The following ESRRG variants were observed in gnomAD, a reference collection of about 807,000 sequenced individuals.
ESRRG encodes the protein estrogen-related receptor gamma.
In ESRRG, 13 loss-of-function variants were observed where a neutral mutation model predicts 44.0. The observed-to-expected ratio is 0.30, with a 90% CI of 0.19 to 0.47. The LOEUF is 0.47. Ranked by LOEUF, ESRRG falls within the 20% of genes least tolerant of loss-of-function variation. ESRRG has a pLI of 1.00. For synonymous variants in ESRRG, 215 were observed against 214.6 expected (o/e 1.00, Z -0.02); for missense variants, 395 against 580.6 (o/e 0.68, Z 3.29).
chr1:216,551,321 TG>T (rs2056278458), intron 5 of ESRRG, among the ~76,000 whole-genome samples: 2 of 152,154 alleles, frequency 1.3e-5, no homozygotes, highest in Admixed American at 1.3e-4. Context: ...ATGGTATTTT[TG>T]TTGAGGAACT....
Position 216,833,246 on chromosome 1 carries a change from CAAATGTTATAAAAGAATT to C in ESRRG, c.-14+106318_-14+106335del, listed in dbSNP as rs534065420. Among the ~76,000 whole-genome samples the C allele has an allele frequency of 2.4e-3, 371 of 152,154 alleles. 2 individuals carry two copies. The highest frequency in any genetic ancestry group is 8.7e-3 in the African/African-American group (361 of 41,526). The stretch of plus-strand genomic sequence containing the variant: ...AAAAAAAACACCCAATGTTACACTT[CAAATGTTATAAAAGAATT>C]ATTCAACCACATAGTGTTTTGAAAA... On this transcript the variant is annotated intron_variant, in intron 2 of 7. Coordinates refer to the ESRRG transcript ENST00000359162.
chr1:217,077,530 CT>C (rs1448031165), intron 1 of ESRRG, among the ~76,000 whole-genome samples: 1 of 152,146 alleles, frequency 6.6e-6, no homozygotes, highest in African/African-American at 2.4e-5. Context: ...TGAGCATTTA[CT>C]GACCTGAATG....
At chr1:216,617,715 T>A (rs1213062510) in intron 3 of ESRRG, among the ~76,000 whole-genome samples, 1 of 152,206 alleles carries the variant, frequency 6.6e-6, no homozygotes, top group Non-Finnish European at 1.5e-5. Flanking sequence ...ATTAATGTTA[T>A]CTCTCTATTT....
intron 2 of ESRRG, among the ~76,000 whole-genome samples, chr1:216,780,659 T>A (rs1173147031): frequency 1.3e-5 from 2 of 151,976 alleles, no homozygotes; most frequent in Non-Finnish European, 2.9e-5. Flanking sequence ...TCTCCTTTAA[T>A]CTATATTATC....
At chr1:216,944,684 T>C (rs1056405028) in intron 1 of ESRRG, among the ~76,000 whole-genome samples, 3 of 152,180 alleles carry the variant, frequency 2.0e-5, no homozygotes, top group African/African-American at 7.2e-5. Context: ...TACAAAGTCA[T>C]GACTAGAAGC....
chr1:217,009,049 T>C (rs2078162602), intron 1 of ESRRG, among the ~76,000 whole-genome samples: 1 of 152,342 alleles, frequency 6.6e-6, no homozygotes, highest in Middle Eastern at 3.4e-3. Context: ...TCATTCTTCA[T>C]GGTAAAAAAT....
chr1:216,637,909 G>A (rs934211641), intron 3 of ESRRG, among the ~76,000 whole-genome samples: 1 of 151,650 alleles, frequency 6.6e-6, no homozygotes, highest in African/African-American at 2.4e-5. Context: ...TATTTGTAAT[G>A]CATATATGAA....
chr1:216,950,673 T>C (rs10492958), intron 1 of ESRRG, among the ~76,000 whole-genome samples: 18,583 of 152,238 alleles, frequency 0.12, 1,554 homozygotes, highest in Admixed American at 0.19. Context: ...ATTTGCTGAC[T>C]GTCCTATATT....
At chr1:217,093,793 A>ACAC (rs142180163), upstream of ESRRG, among the ~76,000 whole-genome samples, 1 of 151,550 alleles carries the variant, frequency 6.6e-6, no homozygotes, top group African/African-American at 2.4e-5. Context: ...CAAAAAAAAA[A>ACAC]ACACACACAC....
At chr1:216,960,385 T>A (rs2068794180) in intron 1 of ESRRG, among the ~76,000 whole-genome samples, 1 of 152,170 alleles carries the variant, frequency 6.6e-6, no homozygotes. Flanking sequence ...TCACCAGAAG[T>A]AAACACCACC....
intron 2 of ESRRG, among the ~76,000 whole-genome samples, chr1:216,657,983 C>T (rs2071070322): frequency 6.6e-6 from 1 of 152,146 alleles, no homozygotes; most frequent in Non-Finnish European, 1.5e-5. Context: ...GAAACTCAAG[C>T]CTCACTTCCA....
At chr1:216,550,979 G>C (rs2056152930) in intron 5 of ESRRG, among the ~76,000 whole-genome samples, 1 of 152,114 alleles carries the variant, frequency 6.6e-6, no homozygotes, top group Non-Finnish European at 1.5e-5. Flanking sequence ...GAGAGCCGCA[G>C]AACGGTCAAT....
chr1:216,729,146 T>A (rs1192001091), intron 2 of ESRRG, among the ~76,000 whole-genome samples: 2 of 152,148 alleles, frequency 1.3e-5, no homozygotes, highest in Admixed American at 6.5e-5. Context: ...TCTTATAGAA[T>A]TCGTATGGGG....
At chr1:216,828,239 AG>A (rs1166253547) in intron 2 of ESRRG, among the ~76,000 whole-genome samples, 1 of 152,156 alleles carries the variant, frequency 6.6e-6, no homozygotes, top group Non-Finnish European at 1.5e-5. Context: ...TAATTTATTG[AG>A]CAAAATTTGT....
At chr1:216,543,797 A>T (rs190287305) in intron 5 of ESRRG, among the ~76,000 whole-genome samples, 7 of 152,156 alleles carry the variant, frequency 4.6e-5, no homozygotes, top group African/African-American at 1.4e-4. Flanking sequence ...AGTTACTAAC[A>T]TGTCTTTTTA....
chr1:217,055,778 T>C (rs1156974886), intron 1 of ESRRG, among the ~76,000 whole-genome samples: 2 of 152,116 alleles, frequency 1.3e-5, no homozygotes, highest in African/African-American at 4.8e-5. Context: ...ATCATCTGAG[T>C]CTCCAACTAT....
At chr1:216,512,300 C>A (rs902683379) in intron 6 of ESRRG, among the ~76,000 whole-genome samples, 1 of 152,060 alleles carries the variant, frequency 6.6e-6, no homozygotes, top group Middle Eastern at 3.4e-3. Context: ...ATGCAAAGGG[C>A]AGAAAAAACA....
intron 2 of ESRRG, among the ~76,000 whole-genome samples, chr1:216,668,800 A>T (rs1180177931): frequency 1.3e-5 from 2 of 152,186 alleles, no homozygotes; most frequent in Non-Finnish European, 2.9e-5. Flanking sequence ...AAATATCCAA[A>T]CAGAGAAAAG....
chr1:216,797,145 C>A (rs543969629), intron 2 of ESRRG, among the ~76,000 whole-genome samples: 6 of 152,268 alleles, frequency 3.9e-5, no homozygotes, highest in Non-Finnish European at 1.5e-5. Flanking sequence ...CTGCCTTGGC[C>A]TTTCAAAGTT....
Sources: allele counts gnomAD v4.1 joint callset (sites outside exome capture counted in the v4.1 genomes callset), GRCh38; gene constraint gnomAD v4.1.1; transcripts MANE v1.5; gene names NCBI Gene and HGNC (gene_info 2026-07-23, HGNC 2026-07-21).